Variants in EFL1 observed in about 807,000 individuals in gnomAD.
The protein encoded by EFL1 is elongation factor-like GTPase 1.
In EFL1, 76 loss-of-function variants were observed where a neutral mutation model predicts 126.7. The observed-to-expected ratio is 0.60, with a 90% CI of 0.50 to 0.73. The LOEUF is 0.73. Ranked by LOEUF, EFL1 falls within the 30% of genes least tolerant of loss-of-function variation. EFL1 has a pLI of 0.00. For synonymous variants in EFL1, 410 were observed against 448.4 expected (o/e 0.91, Z 1.08); for missense variants, 1,128 against 1,343.2 (o/e 0.84, Z 2.50).
chr15:82,259,452 T>G lies in EFL1; in HGVS notation c.92-297A>C, dbSNP rs149922147. Among the ~76,000 whole-genome samples, 1,048 of 152,292 alleles carry G rather than the reference T, an allele frequency of 6.9e-3. 12 individuals carry two copies. The highest frequency in any genetic ancestry group is 0.024 in the African/African-American group (1,004 of 41,570). On this transcript the variant is annotated intron_variant, in intron 2 of 19. Transcript: ENST00000268206. ...CATACTCTTTTGCCATATTTCCCCA[T>G]GCATGGCCTCAGCTGGAATTTGCTA...
intron 6 of EFL1, among the ~76,000 whole-genome samples, chr15:82,240,102 A>G (rs2074915795): frequency 6.6e-6 from 1 of 152,226 alleles, no homozygotes; most frequent in East Asian, 1.9e-4. Flanking sequence ...CTTGGGTAAA[A>G]TTTCCTGTAA....
rs753667874 is a variant in EFL1, at chr15:82,224,235, A to ACC, written c.1292+929_1292+930insGG. 1.1e-3 allele frequency among the ~76,000 whole-genome samples: 161 copies of ACC among 152,328 alleles called. 1 individual carries two copies. The highest frequency in any genetic ancestry group is 1.2e-3 in the Non-Finnish European group (83 of 68,030). On this transcript the variant is annotated intron_variant, in intron 12 of 19. Transcript: ENST00000268206. ...CAGTCACTCACATATCATTTTCATG[A>ACC]TTTCTGCTATATCTGCATATTATTA... is the stretch of plus-strand genomic sequence containing the variant.
intron 7 of EFL1, among the ~76,000 whole-genome samples, chr15:82,236,044 C>T (rs1308066843): frequency 2.0e-5 from 3 of 151,800 alleles, no homozygotes; most frequent in South Asian, 4.2e-4. Flanking sequence ...AATGTGCTAA[C>T]ACCAAAATTA....
intron 3 of EFL1, among the ~76,000 whole-genome samples, chr15:82,255,946 A>G (rs1447405025): frequency 6.6e-6 from 1 of 152,230 alleles, no homozygotes; most frequent in Non-Finnish European, 1.5e-5. Context: ...TTTTTAAATC[A>G]GCATATCAAG....
chr15:82,148,377 CA>C (rs547889990), intron 18 of EFL1, among the ~76,000 whole-genome samples: 21,713 of 94,278 alleles, frequency 0.23, 1,458 homozygotes, highest in Non-Finnish European at 0.31. Flanking sequence ...GAATCCATCT[CA>C]AAAAAAAAAA....
intron 19 of EFL1, among the ~76,000 whole-genome samples, chr15:82,132,681 TG>T (rs67000643): frequency 0.43 from 18,476 of 43,300 alleles, 1,347 homozygotes; most frequent in East Asian, 0.5. Context: ...GTCCAGGAAT[TG>T]GGGGGGGGGG....
chr15:82,236,406 G>T (rs2074873173), intron 7 of EFL1, among the ~76,000 whole-genome samples: 1 of 152,160 alleles, frequency 6.6e-6, no homozygotes, highest in Non-Finnish European at 1.5e-5. Flanking sequence ...TAATCTACCT[G>T]ATTTCAAGAC....
At position 82,182,490 on chromosome 15, in the gene EFL1, C is replaced by T. The variant is rs112676229; in HGVS notation, c.1751-18506G>A. Among the ~76,000 whole-genome samples the T allele has an allele frequency of 9.7e-4, 148 of 152,148 alleles. 1 individual carries two copies. The highest frequency in any genetic ancestry group is 3.1e-3 in the African/African-American group (129 of 41,510). ...ATCTGAAGTATTATTCTGTTAGAAA[C>T]GACAGGTTGGGCCAAAGAGGATGGC... is the stretch of plus-strand genomic sequence containing the variant. On this transcript the variant is annotated intron_variant, in intron 15 of 19. Transcript: ENST00000268206.
intron 12 of EFL1, among the ~76,000 whole-genome samples, chr15:82,221,727 C>T (rs2074714130): frequency 6.6e-6 from 1 of 152,222 alleles, no homozygotes; most frequent in African/African-American, 2.4e-5. Flanking sequence ...ATCAAAACTG[C>T]TGGCACTAGG....
chr15:82,148,412 G>A (rs983874176), intron 18 of EFL1, among the ~76,000 whole-genome samples: 1 of 151,338 alleles, frequency 6.6e-6, no homozygotes, highest in Non-Finnish European at 1.5e-5. Flanking sequence ...AATTTTAGAT[G>A]ATTTGGGATT....
rs2141308666 is a variant in EFL1 at position 82,225,184 on chromosome 15, A to G, written c.1273T>C (p.Leu425=). 6.2e-7 allele frequency: 1 copy of G among 1,610,920 alleles called. No homozygotes were observed. The highest frequency in any genetic ancestry group is 2.2e-5 in the East Asian group (1 of 44,702). The part of the protein sequence containing the change: ...SKMFAVDAKA[L]PQNKPRPLTQ... ...CCTTACCTTGGCTTATTCTGAGGCA[A>G]GGCCTTAGCATCAACTGCAAACATT... The change falls in exon 12 of 20, where the codon TTG becomes CTG. Residue 425 remains leucine (L), a synonymous_variant. Transcript: ENST00000268206.
At chr15:82,146,372 A>G (rs2073845901) in intron 18 of EFL1, among the ~76,000 whole-genome samples, 1 of 152,182 alleles carries the variant, frequency 6.6e-6, no homozygotes, top group African/African-American at 2.4e-5. Flanking sequence ...GAAGATCTCT[A>G]AATATCCAGA....
intron 15 of EFL1, among the ~76,000 whole-genome samples, chr15:82,188,222 G>A (rs117906825): frequency 0.015 from 2,296 of 152,170 alleles, 24 homozygotes; most frequent in East Asian, 0.024. Context: ...CCTGCAAACA[G>A]CATGATTCTC....
At chr15:82,255,202 G>A (rs905377838) in intron 3 of EFL1, among the ~76,000 whole-genome samples, 2 of 152,178 alleles carry the variant, frequency 1.3e-5, no homozygotes, top group Non-Finnish European at 2.9e-5. Flanking sequence ...AGTAAGATGG[G>A]TGATAAATAG....
chr15:82,151,320 A>T, intron 18 of EFL1, 145 bp downstream of exon 18: 1 of 741,350 alleles, frequency 1.3e-6, no homozygotes, highest in Non-Finnish European at 2.2e-6. Context: ...CCTGGTAGGC[A>T]GAGGTTGCAG....
At chr15:82,159,688 CA>C (rs2074003209) in intron 16 of EFL1, among the ~76,000 whole-genome samples, 1 of 152,040 alleles carries the variant, frequency 6.6e-6, no homozygotes, top group Non-Finnish European at 1.5e-5. Context: ...TAAGAATTAA[CA>C]AACCTTCTAA....
intron 16 of EFL1, chr15:82,159,806 G>A (rs761593362): frequency 1.3e-5 from 2 of 152,176 alleles, no homozygotes; most frequent in Admixed American, 1.3e-4. Context: ...AATGGATAAC[G>A]TGACTTAGTA....
Position 82,152,084 on chromosome 15 carries a change from G to C in EFL1, c.2370C>G (p.His790Gln), listed in dbSNP as rs771202060. The change falls in exon 18 of 20, where the codon CAC becomes CAG. Residue 790 changes from histidine to glutamine, a missense_variant. By Grantham distance (24) the His-to-Gln change is conservative. Transcript: ENST00000268206. ...TCTCTTGGGTCTTCTGATGAATCAT[G>C]TGAGTATTTTCACCCTCATTCAAAG... is the stretch of plus-strand genomic sequence containing the variant. ...TSSLNEGENTHMIHQKTQEKI... is the reference protein window; with the variant it reads ...TSSLNEGENTQMIHQKTQEKI... The C allele has an allele frequency of 1.2e-6, 2 of 1,614,088 alleles. No homozygotes were observed. Among genetic ancestry groups the C allele is most frequent in the Admixed American group, 1.7e-5 (1 of 60,014 alleles).
intron 16 of EFL1, 127 bp from the exon 17 acceptor site, chr15:82,157,987 T>C: frequency 1.8e-6 from 2 of 1,127,734 alleles, no homozygotes; most frequent in South Asian, 3.6e-5. Flanking sequence ...TTATTTTTCT[T>C]CCAGATAGTG....
Sources: allele counts gnomAD v4.1 joint callset (sites outside exome capture counted in the v4.1 genomes callset), GRCh38; gene constraint gnomAD v4.1.1; transcripts MANE v1.5; gene names NCBI Gene and HGNC (gene_info 2026-07-23, HGNC 2026-07-21).